The following MIB1 variants were observed in gnomAD, a reference collection of about 807,000 sequenced individuals.
MIB1 encodes MIB E3 ubiquitin protein ligase 1.
In MIB1, 278 loss-of-function variants were observed where a neutral mutation model predicts 124.5. The ratio of observed to expected loss-of-function variants is 2.23; its 90% CI spans 2.02 to 2.47. The LOEUF (loss-of-function observed/expected upper bound fraction) is 2.47. Ranked by LOEUF, MIB1 falls within the 30% of genes most tolerant of loss-of-function variation. The pLI is 0.00. For missense variants in MIB1, 957 were observed against 1,254.4 expected, an observed-to-expected ratio of 0.76 and a Z score of 3.58; for synonymous variants, 446 against 429.4, an observed-to-expected ratio of 1.04 and a Z score of -0.48.
intron 12 of MIB1, among the ~76,000 whole-genome samples, chr18:21,838,084 T>A (rs2042049925): frequency 6.6e-6 from 1 of 152,158 alleles, no homozygotes; most frequent in Non-Finnish European, 1.5e-5. Flanking sequence ...TCCCAGATAG[T>A]AATAGTGTGT....
chr18:21,722,427 G>A lies in MIB1; in HGVS notation n.167+17304G>A, dbSNP rs1022745990. Among the ~76,000 whole-genome samples the A allele has an allele frequency of 2.6e-4, 39 of 149,332 alleles. 1 individual carries two copies. The highest frequency in any genetic ancestry group is 2.7e-4 in the Admixed American group (4 of 14,980). ...GCTCTTTTGCCCAGGCTGGAGTGCA[G>A]TGGCAGGATCTCAGCTCACTGCAAC... On this transcript the variant is annotated intron_variant and non_coding_transcript_variant, in intron 1 of 20. Coordinates refer to the MIB1 transcript ENST00000578646.
chr18:21,707,348 A>T (rs2040643393), intron 1 of MIB1, among the ~76,000 whole-genome samples: 1 of 152,160 alleles, frequency 6.6e-6, no homozygotes, highest in South Asian at 2.1e-4. Flanking sequence ...AAAACAGACC[A>T]GGCAGCTCTC....
At position 21,844,163 on chromosome 18, in the gene MIB1, A is replaced by G. The variant is rs145867120; in HGVS notation, c.2121A>G (p.Leu707=). The change falls in exon 15 of 21, where the codon CTA becomes CTG. Residue 707 remains leucine (L), a synonymous_variant. Coordinates refer to ENST00000261537, the MANE Select transcript of MIB1 (RefSeq NM_020774.4). Reference sequence around the variant, plus strand: ...GGGATACTCCTTTGCATGAAGCTCTAAGGCATCACACTTTGTCTCAGCTAC... The same window carrying G: ...GGGATACTCCTTTGCATGAAGCTCTGAGGCATCACACTTTGTCTCAGCTAC... ...KDGDTPLHEA[L]RHHTLSQLRQ... 381 of 1,613,992 alleles carry G rather than the reference A, an allele frequency of 2.4e-4. No homozygotes were observed. Among genetic ancestry groups the G allele is most frequent in the Non-Finnish European group, 6.4e-5 (75 of 1,179,994 alleles).
At chr18:21,747,043 GA>G (rs1462729675) in intron 1 of MIB1, among the ~76,000 whole-genome samples, 1 of 152,112 alleles carries the variant, frequency 6.6e-6, no homozygotes, top group Non-Finnish European at 1.5e-5. Flanking sequence ...AAAGCCGTAG[GA>G]AAAAACAGGA....
At chr18:21,718,817 T>C (rs914050171) in intron 1 of MIB1, among the ~76,000 whole-genome samples, 1 of 152,060 alleles carries the variant, frequency 6.6e-6, no homozygotes, top group African/African-American at 2.4e-5. Context: ...TCCCGACCCA[T>C]TGGGAGGGTT....
chr18:21,785,012 T>C (rs2041418218), intron 6 of MIB1, among the ~76,000 whole-genome samples: 1 of 152,166 alleles, frequency 6.6e-6, no homozygotes, highest in Non-Finnish European at 1.5e-5. Context: ...ATAGCAGTAG[T>C]AGAATTAGTG....
intron 8 of MIB1, among the ~76,000 whole-genome samples, 167 bp from the exon 9 acceptor site, chr18:21,799,674 T>TA (rs1295909323): frequency 6.6e-6 from 1 of 152,076 alleles, no homozygotes; most frequent in African/African-American, 2.4e-5. Flanking sequence ...TTGCATTTAA[T>TA]ACAGCTTTTT....
rs1211124477 is a variant in MIB1, at chr18:21,866,903, T to C, written c.*2237T>C. 6.6e-6 allele frequency: 1 copy of C among 152,570 alleles called. No individual in the cohort carries two copies. Among genetic ancestry groups the C allele is most frequent in the African/African-American group, 2.4e-5 (1 of 41,430 alleles). 9.5% of individuals were successfully genotyped at this position (152,570 alleles called of 1,614,324 possible). A position where few individuals can be genotyped will look rare whatever the true frequency, so the allele number is the denominator to read the frequency against. On this transcript the variant is annotated 3_prime_UTR_variant, in exon 21 of 21. Transcript: ENST00000261537. ...ATCACTTAGAATTATTTTAAATTTA[T>C]TTTGGGTTTGTGAGAGATAATAAGA...
chr18:21,847,294 G>A (rs2042143453), intron 16 of MIB1, among the ~76,000 whole-genome samples, 169 bp downstream of exon 16: 1 of 152,056 alleles, frequency 6.6e-6, no homozygotes, highest in South Asian at 2.1e-4. Context: ...TTTTTCTGCA[G>A]GCAGCATGTC....
At chr18:21,742,353 G>C (rs1293732747) in intron 1 of MIB1, among the ~76,000 whole-genome samples, 1 of 151,070 alleles carries the variant, frequency 6.6e-6, no homozygotes, top group Non-Finnish European at 1.5e-5. Flanking sequence ...TTGGGACTCT[G>C]GAATGATTTT....
chr18:21,799,072 A>G (rs1287382994), intron 8 of MIB1, among the ~76,000 whole-genome samples: 1 of 152,058 alleles, frequency 6.6e-6, no homozygotes, highest in African/African-American at 2.4e-5. Context: ...ATACAAAGTA[A>G]AAGAGTGAAG....
At chr18:21,717,404 TTAA>T (rs1356273828) in intron 1 of MIB1, among the ~76,000 whole-genome samples, 2 of 152,108 alleles carry the variant, frequency 1.3e-5, no homozygotes, top group Non-Finnish European at 2.9e-5. Flanking sequence ...TGAGACTTAA[TTAA>T]ACTAAAGAGC....
chr18:21,727,630 GAC>G (rs1207583650), intron 1 of MIB1, among the ~76,000 whole-genome samples: 1 of 152,166 alleles, frequency 6.6e-6, no homozygotes, highest in African/African-American at 2.4e-5. Context: ...CAGGCATGGT[GAC>G]ACATGCCTGT....
At chr18:21,789,529 G>A (rs1392033715) in intron 6 of MIB1, among the ~76,000 whole-genome samples, 2 of 152,150 alleles carry the variant, frequency 1.3e-5, no homozygotes, top group Non-Finnish European at 2.9e-5. Flanking sequence ...TTCCGATTAA[G>A]TGTAATCCCT....
intron 1 of MIB1, among the ~76,000 whole-genome samples, chr18:21,708,227 A>G (rs1217058877): frequency 6.6e-6 from 1 of 152,162 alleles, no homozygotes. Flanking sequence ...ACAGCTCTGA[A>G]CTTATCCACC....
intron 3 of MIB1, 73 bp from the exon 4 acceptor site, chr18:21,773,551 A>G (rs895704047): frequency 2.1e-5 from 19 of 926,148 alleles, no homozygotes; most frequent in Admixed American, 7.8e-5. Flanking sequence ...TAAGATTTAA[A>G]TGTAATAATT....
chr18:21,853,031 G>GC, intron 17 of MIB1, 109 bp from the exon 18 acceptor site: 1 of 721,864 alleles, frequency 1.4e-6, no homozygotes, highest in South Asian at 1.7e-5. Context: ...ATTTCTCTGT[G>GC]CCTAGGTGTT....
chr18:21,820,087 A>G (rs1359776951), intron 12 of MIB1, among the ~76,000 whole-genome samples: 1 of 152,216 alleles, frequency 6.6e-6, no homozygotes, highest in Non-Finnish European at 1.5e-5. Context: ...TAGTATAGCT[A>G]TCCCCTCATC....
At chr18:21,776,406 C>T (rs1391145624) in intron 4 of MIB1, among the ~76,000 whole-genome samples, 3 of 151,980 alleles carry the variant, frequency 2.0e-5, no homozygotes, top group Non-Finnish European at 4.4e-5. Flanking sequence ...CATGTGCATA[C>T]CTGCAGGTGC....
Sources: gnomAD v4.1 joint callset for allele counts (sites outside exome capture counted in the v4.1 genomes callset) on GRCh38, gnomAD v4.1.1 for gene constraint, MANE v1.5 for transcripts, NCBI Gene and HGNC (gene_info 2026-07-23, HGNC 2026-07-21) for gene names.